The following EHD1 variants were observed in gnomAD, a reference collection of about 807,000 sequenced individuals.
EHD1 encodes the protein EH domain containing 1, also known as EH domain-containing protein 1.
A neutral mutation model predicts 39.0 loss-of-function variants in EHD1; 19 were observed. The observed-to-expected ratio is 0.49, with a 90% CI of 0.34 to 0.72. The LOEUF (loss-of-function observed/expected upper bound fraction) is 0.72. EHD1 is among the 30% of genes least tolerant of loss of function. The pLI, the probability that EHD1 is intolerant of heterozygous loss-of-function variation, is 0.01. For missense variants in EHD1, 542 were observed against 751.5 expected (o/e 0.72, Z 3.26); for synonymous variants, 323 against 331.2 (o/e 0.98, Z 0.27).
chr11:64,879,531 A>G, upstream of EHD1: 1 of 1,530,080 alleles, frequency 6.5e-7, no homozygotes, highest in Non-Finnish European at 8.8e-7. Context: ...GAAGTTTAAA[A>G]ACCCAAATAC....
chr11:64,878,232 AG>A lies in EHD1; in HGVS notation c.232del (p.Leu78Ter). 6.2e-7 allele frequency: 1 copy of A among 1,613,572 alleles called. No homozygotes were observed. Among genetic ancestry groups the A allele is most frequent in the Non-Finnish European group, 8.5e-7 (1 of 1,179,568 alleles). On this transcript the variant is annotated frameshift_variant, in exon 1 of 5. Transcript: ENST00000320631. LOFTEE classifies it high-confidence loss of function. ...CATCCCCGGGAAGTCCTGCTCGATC[AG>A]GTGTCGGATGAAGGTGGTCTTGCCC... ...STGKTTFIRH[L>X]IEQDFPGMRI...
At position 64,878,541 on chromosome 11, in the gene EHD1, G is replaced by T; in HGVS notation, c.-77C>A. The stretch of plus-strand genomic sequence containing the variant: ...GGGCGAGGGTGCGGAGCCGAGGCGG[G>T]GCCGGCCGGGGCAGGGAATCGGGAG... On this transcript the variant is annotated 5_prime_UTR_variant, in exon 1 of 5. Transcript: ENST00000320631. The T allele has an allele frequency of 6.8e-7, 1 of 1,480,550 alleles. No individual in the cohort carries two copies. The highest frequency in any genetic ancestry group is 8.9e-7 in the Non-Finnish European group (1 of 1,119,488). The allele number at this position is 1,480,550 out of a possible 1,614,324, so 91.7% of individuals were successfully genotyped here.
In EHD1 at chr11:64,868,678, C is replaced by T. The variant is rs541412400; in HGVS notation, c.502+5743G>A. Among the ~76,000 whole-genome samples the T allele has an allele frequency of 1.4e-4, 21 of 152,322 alleles. No individual in the cohort carries two copies. The East Asian group carries it at 3.7e-3, about 27-fold the overall frequency. ...GGACCAGGAGTGACTATGAGGGGCACGGGAACTTTCAGGCGATGGGAATAC... is the reference window on the plus strand; with the variant it reads ...GGACCAGGAGTGACTATGAGGGGCATGGGAACTTTCAGGCGATGGGAATAC... On this transcript the variant is annotated intron_variant, in intron 2 of 4. Transcript: ENST00000320631. This position sits in a 1 kb window ranked among gnomAD's most constrained non-coding sequence, Gnocchi z 4.2.
upstream of EHD1, chr11:64,879,467 TGGGGAAGA>T (rs1019553435): frequency 2.3e-6 from 3 of 1,308,972 alleles, no homozygotes; most frequent in Non-Finnish European, 3.2e-6. Flanking sequence ...ATTCCCTATG[TGGGGAAGA>T]GGGGAAGTGT....
At chr11:64,878,862 G>C, upstream of EHD1, 1 of 1,088,140 alleles carries the variant, frequency 9.2e-7, no homozygotes, top group Non-Finnish European at 1.1e-6. Flanking sequence ...TCGTAGGGAG[G>C]CTCGCGAAAG....
intron 2 of EHD1, among the ~76,000 whole-genome samples, chr11:64,866,733 TG>T (rs1353222011): frequency 1.3e-5 from 2 of 151,806 alleles, no homozygotes; most frequent in Non-Finnish European, 2.9e-5. Context: ...GCTTATTACC[TG>T]GGTGATGAAA....
intron 3 of EHD1, 78 bp from the exon 4 acceptor site, chr11:64,855,564 A>G (rs1176530847): frequency 6.3e-7 from 1 of 1,589,882 alleles, no homozygotes; most frequent in Non-Finnish European, 8.5e-7. Flanking sequence ...GGACACTCCA[A>G]GGATACTCCA....
At chr11:64,855,212 T>C (rs1045721276) in intron 4 of EHD1, 110 bp downstream of exon 4, 1 of 1,449,362 alleles carries the variant, frequency 6.9e-7, no homozygotes, top group African/African-American at 1.4e-5. Flanking sequence ...CTGCTTCCGT[T>C]CAGGGAGGCC....
Position 64,878,287 on chromosome 11 carries a change from T to C in EHD1, c.178A>G (p.Met60Val), listed in dbSNP as rs765192562. Residue 60 changes from methionine (M) to valine (V), a missense_variant, in exon 1 of 5, where the codon ATG (methionine) becomes GTG (valine). Met to Val is a conservative substitution (Grantham distance 21, BLOSUM62 1). Transcript: ENST00000320631. ...CTGTACTGCCCCACGAGGAGCACCATAGGCTTGTTGTCGAAGTCAGCGTCC... is the reference window on the plus strand; with the variant it reads ...CTGTACTGCCCCACGAGGAGCACCACAGGCTTGTTGTCGAAGTCAGCGTCC... The part of the protein sequence containing the change: ...LEDADFDNKP[M>V]VLLVGQYSTG... 27 of 1,614,042 alleles carry C rather than the reference T, an allele frequency of 1.7e-5. No individual in the cohort carries two copies. The highest frequency in any genetic ancestry group is 3.3e-5 in the Admixed American group (2 of 60,010).
At chr11:64,860,562 G>A (rs1402103790) in intron 2 of EHD1, among the ~76,000 whole-genome samples, 1 of 151,986 alleles carries the variant, frequency 6.6e-6, no homozygotes, top group East Asian at 1.9e-4. Flanking sequence ...GTGAAACCCT[G>A]TCTCCACTAA....
upstream of EHD1, chr11:64,878,892 A>G: frequency 9.6e-7 from 1 of 1,042,102 alleles, no homozygotes; most frequent in South Asian, 3.8e-5. Context: ...TAGGAAGGCG[A>G]GGAGCGGGCG....
chr11:64,855,528 G>T, intron 3 of EHD1, 42 bp from the exon 4 acceptor site: 1 of 1,610,030 alleles, frequency 6.2e-7, no homozygotes, highest in Non-Finnish European at 8.5e-7. Context: ...CTTGGCCCAG[G>T]CTGCCCCCGA....
chr11:64,866,895 A>T (rs1943773093), intron 2 of EHD1, among the ~76,000 whole-genome samples: 1 of 152,150 alleles, frequency 6.6e-6, no homozygotes, highest in Non-Finnish European at 1.5e-5. Flanking sequence ...TACCAGGAGT[A>T]ATCAAGTGCA....
intron 3 of EHD1, chr11:64,855,835 G>A (rs1468369540): frequency 6.5e-6 from 2 of 309,182 alleles, no homozygotes; most frequent in Non-Finnish European, 1.3e-5. Context: ...GTGTACCACT[G>A]GGCACATCAC....
chr11:64,860,081 T>C lies in EHD1; in HGVS notation c.758A>G (p.Tyr253Cys), dbSNP rs1943697015. 1 of 1,614,186 alleles carries C rather than the reference T, an allele frequency of 6.2e-7. No homozygotes were observed. Among genetic ancestry groups the C allele is most frequent in the Non-Finnish European group, 8.5e-7 (1 of 1,180,026 alleles). ...CGGGTGGGACCAGAAGGAGCCGATG[T>C]AGACCCTGACCACCTCGGGGGTGTT... ...IINTPEVVRV[Y>C]IGSFWSHPLL... is the part of the protein sequence containing the mutation. Residue 253 changes from tyrosine (Y) to cysteine (C), a missense_variant, in exon 3 of 5, where the codon TAC (tyrosine) becomes TGC (cysteine). Tyr to Cys is a radical substitution (Grantham distance 194). Transcript: ENST00000320631.
In EHD1 at chr11:64,868,037, G is replaced by C. The variant is rs916373196; in HGVS notation, c.502+6384C>G. 1.3e-5 allele frequency among the ~76,000 whole-genome samples: 2 copies of C among 152,244 alleles called. No homozygotes were observed. Among genetic ancestry groups the C allele is most frequent in the Non-Finnish European group, 2.9e-5 (2 of 68,042 alleles). ...GACCATGTTTCCCGCCAGCACAGAA[G>C]GGGAAGAGGGAGGTTCTCAGGCCTC... On this transcript the variant is annotated intron_variant, in intron 2 of 4. Transcript: ENST00000320631. The surrounding 1 kb of genome is among the most constrained non-coding windows in gnomAD (Gnocchi z 4.2).
chr11:64,867,311 C>T (rs1943778363), intron 2 of EHD1, among the ~76,000 whole-genome samples: 1 of 150,696 alleles, frequency 6.6e-6, no homozygotes, highest in Non-Finnish European at 1.5e-5. Flanking sequence ...CCCAGCTACC[C>T]AAGAGGCCGA....
At chr11:64,869,643 A>G (rs1351150206) in intron 2 of EHD1, among the ~76,000 whole-genome samples, 3 of 152,196 alleles carry the variant, frequency 2.0e-5, no homozygotes, top group Admixed American at 6.5e-5. Context: ...CAGGGACTAC[A>G]GCAACTCCCT....
At chr11:64,875,387 C>T (rs1943874275) in intron 1 of EHD1, among the ~76,000 whole-genome samples, 1 of 152,166 alleles carries the variant, frequency 6.6e-6, no homozygotes, top group Admixed American at 6.5e-5. Context: ...TCCATCTCTA[C>T]CCAAAATAGA....
Sources: gnomAD v4.1 joint callset for allele counts (sites outside exome capture counted in the v4.1 genomes callset) on GRCh38, gnomAD v4.1.1 for gene constraint, Gnocchi (gnomAD v3.1) non-coding constraint, MANE v1.5 for transcripts, NCBI Gene and HGNC (gene_info 2026-07-23, HGNC 2026-07-21) for gene names.